Variants in TPRG1 observed in about 807,000 individuals in gnomAD.
TPRG1 encodes the protein tumor protein p63 regulated 1.
A neutral mutation model predicts 29.3 loss-of-function variants in TPRG1; 29 were observed. That is an observed-to-expected ratio of 0.99 (90% CI 0.74 to 1.35). The LOEUF is 1.35. Among genes scored for constraint, TPRG1 ranks in the 40% most tolerant of loss-of-function variants. TPRG1 has a pLI of 0.00. For missense variants in TPRG1, 327 were observed against 335.0 expected (o/e 0.98, Z 0.19); for synonymous variants, 130 against 116.8 (o/e 1.11, Z -0.73).
chr3:189,162,293 G>A (rs576505079), intron 5 of TPRG1, among the ~76,000 whole-genome samples: 15 of 152,020 alleles, frequency 9.9e-5, no homozygotes, highest in African/African-American at 2.4e-4. Flanking sequence ...GCACCCAGCC[G>A]AAGAAGGACC....
chr3:189,135,086 G>A (rs985218052), intron 3 of TPRG1, among the ~76,000 whole-genome samples: 1 of 152,178 alleles, frequency 6.6e-6, no homozygotes, highest in African/African-American at 2.4e-5. Flanking sequence ...CTTCTTTGCG[G>A]TCAGTACTTC....
At chr3:189,254,835 G>A (rs1438401052) in intron 4 of TPRG1, among the ~76,000 whole-genome samples, 1 of 152,070 alleles carries the variant, frequency 6.6e-6, no homozygotes, top group African/African-American at 2.4e-5. Flanking sequence ...TCTATTATTG[G>A]CGTATAGGAA....
chr3:189,089,120 C>A (rs867469712), intron 4 of TPRG1, among the ~76,000 whole-genome samples: 5 of 152,012 alleles, frequency 3.3e-5, no homozygotes, highest in Admixed American at 6.6e-5. Flanking sequence ...GATTACAGGA[C>A]TAACAGTCTA....
At position 189,016,806 on chromosome 3, in the gene TPRG1, T is replaced by C. The variant is rs536348480; in HGVS notation, c.-659-6944T>C. Among the ~76,000 whole-genome samples the C allele has an allele frequency of 2.6e-5, 4 of 152,284 alleles. No individual in the cohort carries two copies. The South Asian group carries it at 8.3e-4, about 32-fold the overall frequency. The stretch of plus-strand genomic sequence containing the variant: ...CTTGCTTCCCCTTCACCTTCTGCCA[T>C]GATAGTAAGTTTCCTGAGGCCCCCC... On this transcript the variant is annotated intron_variant, in intron 3 of 10. Coordinates refer to the TPRG1 transcript ENST00000433971.
intron 3 of TPRG1, among the ~76,000 whole-genome samples, chr3:189,135,623 A>C (rs1723656037): frequency 6.6e-6 from 1 of 152,162 alleles, no homozygotes; most frequent in African/African-American, 2.4e-5. Context: ...TAGCTGCTCA[A>C]ATGATTGCTC....
At chr3:189,225,208 G>A (rs955567103) in intron 3 of TPRG1, among the ~76,000 whole-genome samples, 1 of 152,210 alleles carries the variant, frequency 6.6e-6, no homozygotes, top group African/African-American at 2.4e-5. Context: ...TGGGATTACA[G>A]GCGTGAGCCA....
intron 4 of TPRG1, among the ~76,000 whole-genome samples, chr3:189,031,135 C>T (rs1357446551): frequency 6.6e-6 from 1 of 151,842 alleles, no homozygotes; most frequent in Non-Finnish European, 1.5e-5. Flanking sequence ...ACAACAACAA[C>T]AAAAAATTAT....
intron 3 of TPRG1, among the ~76,000 whole-genome samples, chr3:189,023,141 G>T (rs1001566425): frequency 6.6e-6 from 1 of 152,232 alleles, no homozygotes; most frequent in Admixed American, 6.5e-5. Context: ...ACTCCCTAGT[G>T]AGATGAACCC....
intron 3 of TPRG1, chr3:189,219,463 G>T: frequency 1.9e-6 from 1 of 534,492 alleles, no homozygotes; most frequent in South Asian, 2.2e-5. Context: ...ATAAAGACAG[G>T]ATAGTGTTTA....
chr3:189,008,453 G>A (rs1179906567), intron 3 of TPRG1, among the ~76,000 whole-genome samples: 6 of 152,306 alleles, frequency 3.9e-5, no homozygotes, highest in African/African-American at 1.4e-4. Context: ...ATTCCAATGT[G>A]CCGCTAAAGT....
chr3:189,088,324 G>T (rs1297836652), intron 4 of TPRG1, among the ~76,000 whole-genome samples: 1 of 152,178 alleles, frequency 6.6e-6, no homozygotes, highest in Non-Finnish European at 1.5e-5. Flanking sequence ...TGGTGTATAA[G>T]AATGCTTGTG....
intron 1 of TPRG1, among the ~76,000 whole-genome samples, chr3:189,194,296 C>T (rs1295749233): frequency 6.6e-6 from 1 of 152,160 alleles, no homozygotes; most frequent in Non-Finnish European, 1.5e-5. Flanking sequence ...TTCTTCTCTC[C>T]TTACTTTTCC....
At chr3:189,213,944 G>GT (rs1041075313) in intron 2 of TPRG1, among the ~76,000 whole-genome samples, 16 of 152,038 alleles carry the variant, frequency 1.1e-4, no homozygotes, top group East Asian at 7.7e-4. Flanking sequence ...GATGTTTGCG[G>GT]TTTTTTTCCA....
intron 1 of TPRG1, among the ~76,000 whole-genome samples, chr3:189,125,485 T>C (rs531264269): frequency 7.2e-5 from 11 of 152,326 alleles, no homozygotes; most frequent in South Asian, 2.1e-4. Context: ...TGTCTGTTTA[T>C]AGCTGATTAA....
intron 4 of TPRG1, among the ~76,000 whole-genome samples, chr3:189,035,461 T>G (rs187106035): frequency 7.2e-4 from 110 of 152,232 alleles, no homozygotes; most frequent in Non-Finnish European, 7.2e-4. Flanking sequence ...AAAGAGCTTC[T>G]TTCTGCACAG....
chr3:189,138,501 C>A (rs1438056631), intron 3 of TPRG1, among the ~76,000 whole-genome samples: 5 of 152,106 alleles, frequency 3.3e-5, no homozygotes, highest in Non-Finnish European at 5.9e-5. Context: ...ATTCAGAGAC[C>A]CAGGTTCCTT....
At chr3:189,290,796 T>C (rs1054931337) in intron 4 of TPRG1, among the ~76,000 whole-genome samples, 3 of 152,146 alleles carry the variant, frequency 2.0e-5, no homozygotes, top group East Asian at 1.9e-4. Context: ...AGTGCTGATG[T>C]TGGGGAGTTA....
At chr3:189,279,620 A>G (rs1028097686) in intron 4 of TPRG1, among the ~76,000 whole-genome samples, 2 of 152,208 alleles carry the variant, frequency 1.3e-5, no homozygotes, top group Admixed American at 1.3e-4. Context: ...GATGATGTAT[A>G]TAAAGTATTT....
intron 1 of TPRG1, among the ~76,000 whole-genome samples, chr3:189,203,477 C>T (rs573786761): frequency 1.4e-4 from 22 of 152,216 alleles, no homozygotes; most frequent in African/African-American, 5.3e-4. Flanking sequence ...TTCAGTGGAA[C>T]ATTCCAAGAT....
Sources: allele counts gnomAD v4.1 joint callset (sites outside exome capture counted in the v4.1 genomes callset), GRCh38; gene constraint gnomAD v4.1.1; transcripts MANE v1.5; gene names NCBI Gene and HGNC (gene_info 2026-07-23, HGNC 2026-07-21).